FAAH2: variants seen among roughly 807,000 people sequenced by gnomAD.
FAAH2 encodes the protein fatty acid amide hydrolase 2.
In FAAH2, 60 loss-of-function variants were observed where a neutral mutation model predicts 36.9. The observed-to-expected ratio is 1.63, with a 90% confidence interval of 1.32 to 2.02. FAAH2 has a LOEUF of 2.02. FAAH2 is among the 30% of genes most tolerant of loss of function. FAAH2 has a pLI of 0.00. For synonymous variants in FAAH2, 214 were observed against 143.8 expected (o/e 1.49, Z -3.49); for missense variants, 689 against 397.5 (o/e 1.73, Z -6.23).
At chrX:57,432,666 T>A (rs1328052125) in intron 8 of FAAH2, among the ~76,000 whole-genome samples, 1 of 111,392 alleles carries the variant, frequency 9.0e-6, no homozygotes, top group Non-Finnish European at 1.9e-5. Context: ...TATGAACACT[T>A]TGAGAACTAT....
chrX:57,340,396 T>G (rs1000291903), intron 4 of FAAH2, among the ~76,000 whole-genome samples: 2 of 111,828 alleles, frequency 1.8e-5, no homozygotes, highest in African/African-American at 6.5e-5. Context: ...ACTTTGCATT[T>G]TTTGATTCAA....
the FAAH2 span, among the ~76,000 whole-genome samples, chrX:57,126,324 C>G: frequency 1.8e-5 from 2 of 112,127 alleles, no homozygotes; most frequent in Non-Finnish European, 3.8e-5. Context: ...ATACTGCAGC[C>G]TAGCATCTTA....
intron 4 of FAAH2, among the ~76,000 whole-genome samples, chrX:57,332,500 A>G (rs1374393438): frequency 4.4e-5 from 5 of 112,428 alleles, no homozygotes; most frequent in Non-Finnish European, 9.4e-5. Flanking sequence ...AAACTGAATG[A>G]AAAGACAGGC....
At chrX:57,443,727 C>T (rs886673058) in intron 8 of FAAH2, among the ~76,000 whole-genome samples, 2 of 111,863 alleles carry the variant, frequency 1.8e-5, no homozygotes, top group African/African-American at 3.3e-5. Context: ...GCTCTGGTTT[C>T]TCCCCATCTT....
chrX:57,133,283 G>A, the FAAH2 span, among the ~76,000 whole-genome samples: 1 of 112,682 alleles, frequency 8.9e-6, no homozygotes, highest in Non-Finnish European at 1.9e-5. Flanking sequence ...TTTCATTCAT[G>A]ATTACATCAT....
intron 7 of FAAH2, among the ~76,000 whole-genome samples, chrX:57,385,470 G>T (rs998588595): frequency 9.0e-6 from 1 of 111,279 alleles, no homozygotes. Flanking sequence ...GGCAGGTTCA[G>T]TGTCTGGTGA....
chrX:57,419,992 T>C (rs2055965882), intron 7 of FAAH2, among the ~76,000 whole-genome samples: 2 of 111,830 alleles, frequency 1.8e-5, no homozygotes, highest in Admixed American at 9.5e-5. Flanking sequence ...TCCCCATTTC[T>C]GGTTTTTCTC....
intron 5 of FAAH2, among the ~76,000 whole-genome samples, chrX:57,352,093 C>A (rs200113179): frequency 4.4e-4 from 1 of 2,286 alleles, no homozygotes; most frequent in Non-Finnish European, 1.2e-3. Flanking sequence ...TATATATATG[C>A]ACATATATAT....
chrX:57,189,470 G>T, the FAAH2 span, among the ~76,000 whole-genome samples: 1 of 109,421 alleles, frequency 9.1e-6, no homozygotes, highest in Non-Finnish European at 1.9e-5. Flanking sequence ...AGGCATTCTG[G>T]TTCCTGGAAT....
intron 2 of FAAH2, among the ~76,000 whole-genome samples, chrX:57,309,841 T>C (rs1261121263): frequency 8.9e-6 from 1 of 112,071 alleles, no homozygotes; most frequent in Non-Finnish European, 1.9e-5. Context: ...GATGAGAATT[T>C]GGGTGGATTC....
At chrX:57,325,707 G>T (rs1340281594) in intron 3 of FAAH2, among the ~76,000 whole-genome samples, 1 of 75,797 alleles carries the variant, frequency 1.3e-5, no homozygotes, top group Admixed American at 1.6e-4. Flanking sequence ...TTTTTATTGC[G>T]TCTAATTGAT....
rs748057806 is a variant in FAAH2, at chrX:57,361,480, G to T, written c.743-17171G>T. 7.2e-5 allele frequency among the ~76,000 whole-genome samples: 8 copies of T among 110,519 alleles called. No homozygotes were observed. In the South Asian group the frequency reaches 2.6e-3, roughly 36 times the overall value. ...TGTATCCCATGGGTTTTGATATTTTGTATTTCCATTTTATTTTTCTGTCAA... is the reference window on the plus strand; with the variant it reads ...TGTATCCCATGGGTTTTGATATTTTTTATTTCCATTTTATTTTTCTGTCAA... On this transcript the variant is annotated intron_variant, in intron 5 of 10. Transcript: ENST00000374900.
chrX:57,124,645 G>A, the FAAH2 span, among the ~76,000 whole-genome samples: 2 of 111,801 alleles, frequency 1.8e-5, no homozygotes, highest in Admixed American at 1.9e-4. Flanking sequence ...AGCATGGAAT[G>A]TTCTTCCATT....
At chrX:57,459,474 C>T (rs920081157) in intron 10 of FAAH2, among the ~76,000 whole-genome samples, 5 of 112,412 alleles carry the variant, frequency 4.4e-5, no homozygotes, top group Admixed American at 2.8e-4. Flanking sequence ...GGGTTTCTCC[C>T]AGCACAGTGG....
At chrX:57,247,570 A>T in the FAAH2 span, among the ~76,000 whole-genome samples, 1 of 111,820 alleles carries the variant, frequency 8.9e-6, no homozygotes, top group South Asian at 3.8e-4. Context: ...GGCCATTCAG[A>T]AAATGATTCA....
chrX:57,343,722 T>A (rs1237489083), intron 5 of FAAH2, among the ~76,000 whole-genome samples: 3 of 111,894 alleles, frequency 2.7e-5, no homozygotes, highest in Non-Finnish European at 5.7e-5. Flanking sequence ...TCCTAGGCTT[T>A]CCTCTAGCAT....
the FAAH2 span, among the ~76,000 whole-genome samples, chrX:57,182,924 A>G: frequency 9.0e-6 from 1 of 111,236 alleles, no homozygotes; most frequent in Non-Finnish European, 1.9e-5. Flanking sequence ...CATTATCCCT[A>G]GAAAACTAAT....
At chrX:57,143,662 G>T in the FAAH2 span, among the ~76,000 whole-genome samples, 4 of 110,213 alleles carry the variant, frequency 3.6e-5, no homozygotes, top group Non-Finnish European at 7.6e-5. Context: ...ATTTTTGGTA[G>T]ACAGGGGGTT....
chrX:57,189,330 A>T, the FAAH2 span, among the ~76,000 whole-genome samples: 1 of 110,171 alleles, frequency 9.1e-6, no homozygotes, highest in Admixed American at 9.8e-5. Context: ...TTTGGTTAAA[A>T]CATGCTCCTT....
Sources: gnomAD v4.1 joint callset for allele counts (sites outside exome capture counted in the v4.1 genomes callset) on GRCh38, gnomAD v4.1.1 for gene constraint, MANE v1.5 for transcripts, NCBI Gene and HGNC (gene_info 2026-07-23, HGNC 2026-07-21) for gene names.